MET: variants seen among roughly 807,000 people sequenced by gnomAD.
The protein encoded by MET is MET proto-oncogene, receptor tyrosine kinase, also known as hepatocyte growth factor receptor.
In MET, 48 loss-of-function variants were observed where a neutral mutation model predicts 133.1. That is an observed-to-expected ratio of 0.36 (90% CI 0.29 to 0.46). MET has a LOEUF of 0.46. Among genes scored for constraint, MET ranks in the 20% least tolerant of loss-of-function variants. MET has a pLI of 1.00. For missense variants in MET, 1,442 were observed against 1,695.9 expected, an observed-to-expected ratio of 0.85 and a Z score of 2.63; for synonymous variants, 628 against 616.5, an observed-to-expected ratio of 1.02 and a Z score of -0.28.
At chr7:116,740,126 C>T (rs2116829111) in intron 4 of MET, 42 bp downstream of exon 4, 1 of 1,612,022 alleles carries the variant, frequency 6.2e-7, no homozygotes, top group Middle Eastern at 1.7e-4. Flanking sequence ...CGTGGTTTTT[C>T]CCAAATGCAT....
intron 5 of MET, among the ~76,000 whole-genome samples, chr7:116,742,091 T>C (rs2116846273): frequency 6.6e-6 from 1 of 152,356 alleles, no homozygotes; most frequent in South Asian, 2.1e-4. Flanking sequence ...TAAATAGTTC[T>C]TATGAAAGAT....
At chr7:116,705,189 G>A (rs528531020) in intron 2 of MET, among the ~76,000 whole-genome samples, 30 of 152,008 alleles carry the variant, frequency 2.0e-4, no homozygotes, top group Non-Finnish European at 3.7e-4. Context: ...GAGTAAAATC[G>A]AGTTACATTT....
intron 1 of MET, among the ~76,000 whole-genome samples, chr7:116,676,755 G>A (rs539607054): frequency 6.6e-6 from 1 of 152,226 alleles, no homozygotes; most frequent in East Asian, 1.9e-4. Context: ...CACTTCTCAG[G>A]AGTGCTATTC....
At chr7:116,687,930 G>A (rs1048885544) in intron 1 of MET, among the ~76,000 whole-genome samples, 16 of 152,196 alleles carry the variant, frequency 1.1e-4, no homozygotes, top group Admixed American at 1.0e-3. Flanking sequence ...AAAAGAATGG[G>A]GTTCACTCAC....
chr7:116,779,281 C>T (rs540486654), intron 17 of MET, among the ~76,000 whole-genome samples: 105 of 152,332 alleles, frequency 6.9e-4, no homozygotes, highest in African/African-American at 2.5e-3. Flanking sequence ...CAGAGCAAGC[C>T]TCAGCCCATA....
At chr7:116,694,900 T>A (rs1796908954) in intron 1 of MET, among the ~76,000 whole-genome samples, 1 of 152,078 alleles carries the variant, frequency 6.6e-6, no homozygotes, top group Non-Finnish European at 1.5e-5. Flanking sequence ...TTGGCCAGGA[T>A]GGTTGTGATC....
chr7:116,713,430 AAGGTCTTTAT>A (rs1792079509), intron 2 of MET, among the ~76,000 whole-genome samples: 1 of 152,046 alleles, frequency 6.6e-6, no homozygotes, highest in African/African-American at 2.4e-5. Flanking sequence ...GTTAAGGGCA[AAGGTCTTTAT>A]CAACACCATC....
In MET at chr7:116,796,185, C is replaced by A; in HGVS notation, c.*61C>A. ...GTCCAATGGTTTTTTCACTGCCTGA[C>A]CTTTAAAAGGCCATCGATATTCTTT... On this transcript the variant is annotated 3_prime_UTR_variant, in exon 21 of 21. Transcript: ENST00000397752. 1 of 1,467,210 alleles carries A rather than the reference C, an allele frequency of 6.8e-7. No individual in the cohort carries two copies. The highest frequency in any genetic ancestry group is 9.5e-7 in the Non-Finnish European group (1 of 1,050,846). 90.9% of individuals were successfully genotyped at this position (1,467,210 alleles called of 1,614,324 possible).
In MET at chr7:116,783,427, G is replaced by A. The variant is rs2117067116; in HGVS notation, c.3756G>A (p.Leu1252=). 2 of 1,614,082 alleles carry A rather than the reference G, an allele frequency of 1.2e-6. No homozygotes were observed. The highest frequency in any genetic ancestry group is 1.7e-6 in the Non-Finnish European group (2 of 1,180,014). ...GAKLPVKWMA[L]ESLQTQKFTT... ...AGCTGCCAGTGAAGTGGATGGCTTT[G>A]GAAAGTCTGCAAACTCAAAAGTTTA... The change falls in exon 19 of 21, where the codon TTG becomes TTA. Residue 1252 remains leucine (L), a synonymous_variant. Transcript: ENST00000397752.
intron 1 of MET, among the ~76,000 whole-genome samples, chr7:116,698,257 T>C (rs904353109): frequency 3.3e-5 from 5 of 152,242 alleles, no homozygotes; most frequent in East Asian, 1.9e-4. Context: ...ATACTGTCTA[T>C]ATGCATACAA....
intron 10 of MET, among the ~76,000 whole-genome samples, chr7:116,762,190 G>C (rs1442497632): frequency 6.6e-6 from 1 of 152,166 alleles, no homozygotes. Flanking sequence ...GTAAAATAGA[G>C]AGCATAGGAA....
At chr7:116,704,123 C>A (rs1043676662) in intron 2 of MET, among the ~76,000 whole-genome samples, 8 of 152,206 alleles carry the variant, frequency 5.3e-5, no homozygotes, top group Non-Finnish European at 1.2e-4. Flanking sequence ...TGACTTCTGC[C>A]ACATTACCTG....
intron 2 of MET, among the ~76,000 whole-genome samples, chr7:116,701,752 A>C (rs1329812885): frequency 6.6e-6 from 1 of 152,196 alleles, no homozygotes; most frequent in Non-Finnish European, 1.5e-5. Flanking sequence ...TGATTTTCAG[A>C]AACCTGGGAT....
intron 2 of MET, among the ~76,000 whole-genome samples, chr7:116,705,466 AG>A (rs1791754144): frequency 1.3e-5 from 2 of 152,134 alleles, no homozygotes; most frequent in Admixed American, 1.3e-4. Context: ...ATTTTGTATT[AG>A]GGATGAAAAA....
chr7:116,778,813 C>G lies in MET; in HGVS notation c.3378C>G (p.Thr1126=), dbSNP rs201111132. Residue 1126 remains threonine (T), a synonymous_variant, in exon 17 of 21, where the codon ACC becomes ACG. Coordinates refer to ENST00000397752, the MANE Select transcript of MET (RefSeq NM_000245.4). ...TAGGAGAAGTTTCCCAATTTCTGACCGAGGGAATCATCATGAAAGATTTTA... is the reference window on the plus strand; with the variant it reads ...TAGGAGAAGTTTCCCAATTTCTGACGGAGGGAATCATCATGAAAGATTTTA... The part of the protein sequence containing the change: ...TDIGEVSQFL[T]EGIIMKDFSH... 6.2e-7 allele frequency: 1 copy of G among 1,613,972 alleles called. No homozygotes were observed. Among genetic ancestry groups the G allele is most frequent in the Non-Finnish European group, 8.5e-7 (1 of 1,179,942 alleles).
chr7:116,750,071 GA>G (rs1793856141), intron 5 of MET, among the ~76,000 whole-genome samples: 1 of 152,120 alleles, frequency 6.6e-6, no homozygotes, highest in Non-Finnish European at 1.5e-5. Flanking sequence ...CACAGAATTA[GA>G]AAAAGCTACT....
intron 1 of MET, among the ~76,000 whole-genome samples, chr7:116,681,262 A>G (rs1436181089): frequency 6.6e-6 from 1 of 152,038 alleles, no homozygotes; most frequent in Non-Finnish European, 1.5e-5. Context: ...ACTCCCAGGC[A>G]CTCTAAATGA....
chr7:116,797,037 A>G lies in MET; in HGVS notation c.*913A>G, dbSNP rs1229367145. 5.3e-6 allele frequency: 1 copy of G among 186,976 alleles called. No homozygotes were observed. Among genetic ancestry groups the G allele is most frequent in the East Asian group, 8.7e-5 (1 of 11,492 alleles). 11.6% of individuals were successfully genotyped at this position (186,976 alleles called of 1,614,324 possible). A position where few individuals can be genotyped will look rare whatever the true frequency, so the allele number is the denominator to read the frequency against. On this transcript the variant is annotated 3_prime_UTR_variant, in exon 21 of 21. Transcript: ENST00000397752. ...TATAAATGAACAGGATGTAATGTAC[A>G]TAGATGACATTAAGAAAATTTGTAT...
chr7:116,726,252 T>G lies in MET; in HGVS notation c.1201-5416T>G, dbSNP rs556477309. On this transcript the variant is annotated intron_variant, in intron 2 of 20. Transcript: ENST00000397752. Reference sequence around the variant, plus strand: ...AATATTACCTTTGAAGTCCCCTGAATATCCCATCCTAGCAATATTCCTCCC... The same window carrying G: ...AATATTACCTTTGAAGTCCCCTGAAGATCCCATCCTAGCAATATTCCTCCC... 1.4e-4 allele frequency among the ~76,000 whole-genome samples: 20 copies of G among 145,968 alleles called. No individual in the cohort carries two copies. In the East Asian group the frequency reaches 4.1e-3, roughly 30 times the overall value.
Sources: allele counts gnomAD v4.1 joint callset (sites outside exome capture counted in the v4.1 genomes callset), GRCh38; gene constraint gnomAD v4.1.1; transcripts MANE v1.5; gene names NCBI Gene and HGNC (gene_info 2026-07-23, HGNC 2026-07-21).